The following PPP1R13B variants were observed in gnomAD, a reference collection of about 807,000 sequenced individuals.
The protein encoded by PPP1R13B is apoptosis-stimulating of p53 protein 1.
In PPP1R13B, 44 loss-of-function variants were observed where a neutral mutation model predicts 119.8. That is an observed-to-expected ratio of 0.37 (90% CI 0.29 to 0.47). The LOEUF is 0.47. Among genes scored for constraint, PPP1R13B ranks in the 20% least tolerant of loss-of-function variants. PPP1R13B has a pLI of 0.99. For missense variants in PPP1R13B, 1,227 were observed against 1,413.5 expected (o/e 0.87, Z 2.12); for synonymous variants, 542 against 561.5 (o/e 0.97, Z 0.49).
Position 103,753,075 on chromosome 14 carries a change from A to C in PPP1R13B, c.753T>G (p.Asn251Lys). The C allele has an allele frequency of 6.2e-7, 1 of 1,614,170 alleles. No individual in the cohort carries two copies. The highest frequency in any genetic ancestry group is 1.1e-5 in the South Asian group (1 of 91,086). The change falls in exon 7 of 17, where the codon AAT becomes AAG. Residue 251 changes from asparagine to lysine, a missense_variant. Coordinates refer to ENST00000202556, the MANE Select transcript of PPP1R13B (RefSeq NM_015316.3). ...ATTTGCCATTGTAAGACTGGAACCC[A>C]TTCAGTTTTCCTTTCTTTAAATCTT... ...QLEDLKKGKLNGFQSYNGKLT... is the reference protein window; with the variant it reads ...QLEDLKKGKLKGFQSYNGKLT...
chr14:103,754,454 TG>T (rs1018686143), intron 5 of PPP1R13B, among the ~76,000 whole-genome samples: 16 of 145,128 alleles, frequency 1.1e-4, no homozygotes, highest in Non-Finnish European at 1.5e-5. Context: ...CCCAGCTACT[TG>T]GGAGGCTGAG....
intron 1 of PPP1R13B, among the ~76,000 whole-genome samples, chr14:103,814,166 T>C (rs2086223222): frequency 6.6e-6 from 1 of 152,036 alleles, no homozygotes; most frequent in African/African-American, 2.4e-5. Context: ...CTGGCCAACA[T>C]GGTGAAACCC....
chr14:103,847,362 G>C lies in PPP1R13B; in HGVS notation c.-55C>G. 1.7e-6 allele frequency: 2 copies of C among 1,145,572 alleles called. No individual in the cohort carries two copies. Among genetic ancestry groups the C allele is most frequent in the South Asian group, 2.2e-5 (1 of 44,694 alleles). 71.0% of individuals were successfully genotyped at this position (1,145,572 alleles called of 1,614,324 possible). Reference sequence around the variant, plus strand: ...GCCGCCTGACAGGACGCTCCGCGCCGAGCTGTGCCCACCGCTCCGGCCGCC... The same window carrying C: ...GCCGCCTGACAGGACGCTCCGCGCCCAGCTGTGCCCACCGCTCCGGCCGCC... On this transcript the variant is annotated 5_prime_UTR_variant, in exon 1 of 17. Transcript: ENST00000202556.
intron 4 of PPP1R13B, chr14:103,764,181 A>G (rs2368558): frequency 0.58 from 90,576 of 157,348 alleles, 28,112 homozygotes; most frequent in African/African-American, 0.84. Flanking sequence ...AGCTTTTTAA[A>G]AGACTGCCAA....
chr14:103,797,464 T>C lies in PPP1R13B; in HGVS notation c.64A>G (p.Ile22Val), dbSNP rs573719037. The change falls in exon 2 of 17, where the codon ATA (isoleucine) becomes GTA (valine). Residue 22 changes from isoleucine to valine, a missense_variant. By Grantham distance (29) the Ile-to-Val change is conservative (BLOSUM62 3). Transcript: ENST00000202556. ...TCTCGACAGGTTGTTTCCGGTGTTA[T>C]AGGAACTTCTGTTAAAATCTGTTCA... ...NNEQILTEVP[I>V]TPETTCRDVV... 9.9e-6 allele frequency: 16 copies of C among 1,613,886 alleles called. No individual in the cohort carries two copies. The highest frequency in any genetic ancestry group is 1.7e-5 in the Admixed American group (1 of 59,996).
intron 1 of PPP1R13B, among the ~76,000 whole-genome samples, chr14:103,829,426 A>AT (rs1367643546): frequency 2.0e-5 from 3 of 151,788 alleles, no homozygotes; most frequent in East Asian, 3.9e-4. Context: ...TTTAAAAAAA[A>AT]TTTTTTTTTA....
At chr14:103,757,840 G>C (rs1366749644) in intron 4 of PPP1R13B, 89 bp from the exon 5 acceptor site, 4 of 1,087,504 alleles carry the variant, frequency 3.7e-6, no homozygotes, top group Non-Finnish European at 5.5e-6. Flanking sequence ...CAGGACTTTA[G>C]ATAGGATCCC....
At chr14:103,833,625 A>G (rs2086708083) in intron 1 of PPP1R13B, among the ~76,000 whole-genome samples, 1 of 152,162 alleles carries the variant, frequency 6.6e-6, no homozygotes, top group Non-Finnish European at 1.5e-5. Flanking sequence ...CCTGGGTGAC[A>G]GAGCGAGACT....
chr14:103,798,817 G>A (rs1409256134), intron 1 of PPP1R13B, among the ~76,000 whole-genome samples: 1 of 151,706 alleles, frequency 6.6e-6, no homozygotes, highest in Admixed American at 6.6e-5. Context: ...ATCCTCCCAA[G>A]TAGCTGGGAC....
intron 4 of PPP1R13B, among the ~76,000 whole-genome samples, chr14:103,770,499 A>G (rs2085042901): frequency 6.6e-6 from 1 of 151,926 alleles, no homozygotes; most frequent in African/African-American, 2.4e-5. Context: ...TGAGAGACAC[A>G]GCAAGACACT....
intron 4 of PPP1R13B, among the ~76,000 whole-genome samples, chr14:103,763,583 C>T (rs990528094): frequency 6.6e-6 from 1 of 152,088 alleles, no homozygotes; most frequent in African/African-American, 2.4e-5. Flanking sequence ...AACTTTCAGC[C>T]CTATCCCTAG....
chr14:103,824,775 TA>T (rs2086498521), intron 1 of PPP1R13B, among the ~76,000 whole-genome samples: 1 of 151,896 alleles, frequency 6.6e-6, no homozygotes, highest in Non-Finnish European at 1.5e-5. Context: ...AATAAAAGGG[TA>T]ATAAATATTT....
intron 1 of PPP1R13B, among the ~76,000 whole-genome samples, chr14:103,845,826 T>C (rs1393221969): frequency 6.6e-6 from 1 of 152,202 alleles, no homozygotes; most frequent in East Asian, 1.9e-4. Flanking sequence ...TAGTGAGAAT[T>C]AGGGAGGGAA....
chr14:103,768,665 T>C (rs1267470912), intron 4 of PPP1R13B, among the ~76,000 whole-genome samples: 1 of 151,618 alleles, frequency 6.6e-6, no homozygotes, highest in Admixed American at 6.6e-5. Context: ...TCTCCTGACC[T>C]TGTGATCTGC....
At chr14:103,828,979 C>T (rs1411675313) in intron 1 of PPP1R13B, among the ~76,000 whole-genome samples, 2 of 152,132 alleles carry the variant, frequency 1.3e-5, no homozygotes, top group African/African-American at 4.8e-5. Flanking sequence ...ACTTTTGCTA[C>T]TCTTTTCTAC....
At chr14:103,788,994 G>A (rs950737583) in intron 2 of PPP1R13B, among the ~76,000 whole-genome samples, 6 of 152,012 alleles carry the variant, frequency 3.9e-5, no homozygotes, top group Non-Finnish European at 8.8e-5. Flanking sequence ...GTGGGCTGAT[G>A]GCATTAGCTT....
intron 1 of PPP1R13B, among the ~76,000 whole-genome samples, chr14:103,801,905 A>T (rs959062480): frequency 7.2e-5 from 11 of 152,326 alleles, no homozygotes; most frequent in Non-Finnish European, 1.3e-4. Context: ...TTTACAATAA[A>T]TTTTTTAAAA....
Position 103,784,978 on chromosome 14 carries a change from T to G in PPP1R13B, c.158-64A>C, listed in dbSNP as rs1207433571. On this transcript the variant is annotated intron_variant, in intron 2 of 16. Transcript: ENST00000202556. The stretch of plus-strand genomic sequence containing the variant: ...AATGACTCCAACCAAAAGTAAATTT[T>G]GTAAAAAACTTAAATGAATGTATAT... 10 of 1,434,640 alleles carry G rather than the reference T, an allele frequency of 7.0e-6. 1 individual carries two copies. The highest frequency in any genetic ancestry group is 7.5e-6 in the Non-Finnish European group (8 of 1,062,538). The allele number at this position is 1,434,640 out of a possible 1,614,324, so 88.9% of individuals were successfully genotyped here. A position where few individuals can be genotyped will look rare whatever the true frequency, so the allele number is the denominator to read the frequency against.
chr14:103,807,773 C>A (rs925731647), intron 1 of PPP1R13B, among the ~76,000 whole-genome samples: 2 of 151,948 alleles, frequency 1.3e-5, no homozygotes, highest in Non-Finnish European at 2.9e-5. Flanking sequence ...GGATTATAGG[C>A]GTGAGGCACC....
Sources: gnomAD v4.1 joint callset for allele counts (sites outside exome capture counted in the v4.1 genomes callset) on GRCh38, gnomAD v4.1.1 for gene constraint, MANE v1.5 for transcripts, NCBI Gene and HGNC (gene_info 2026-07-23, HGNC 2026-07-21) for gene names.